Variants in ATOSA observed in about 807,000 individuals in gnomAD.
ATOSA encodes atos homolog protein A.
chr15:52,587,718 G>A, the ATOSA span: 1 of 152,456 alleles, frequency 6.6e-6, no homozygotes, highest in Non-Finnish European at 1.5e-5. Context: ...AAAGCAATTT[G>A]GAAGTCTGTA....
At chr15:52,667,192 TTTCTC>T in the ATOSA span, among the ~76,000 whole-genome samples, 1 of 152,348 alleles carries the variant, frequency 6.6e-6, no homozygotes, top group South Asian at 2.1e-4. Flanking sequence ...AATATTCACT[TTTCTC>T]TTTAATCCAT....
At chr15:52,584,637 C>G in the ATOSA span, 1 of 945,256 alleles carries the variant, frequency 1.1e-6, no homozygotes, top group South Asian at 1.8e-5. Context: ...CCAAGCTAAG[C>G]AAAGTCCCAA....
At chr15:52,593,855 A>G in the ATOSA span, 5 of 1,004,884 alleles carry the variant, frequency 5.0e-6, no homozygotes, top group Non-Finnish European at 7.1e-6. Flanking sequence ...GAAATATATT[A>G]CTATGCTTTC....
chr15:52,615,156 C>T, the ATOSA span, among the ~76,000 whole-genome samples: 3 of 152,148 alleles, frequency 2.0e-5, no homozygotes, highest in African/African-American at 7.2e-5. Context: ...TATCCAGCAG[C>T]GGCACAAAGC....
the ATOSA span, among the ~76,000 whole-genome samples, chr15:52,612,024 G>A: frequency 6.6e-5 from 10 of 151,962 alleles, no homozygotes; most frequent in Non-Finnish European, 8.8e-5. Context: ...TTGCTCTGTC[G>A]CCCAGGCTGG....
the ATOSA span, among the ~76,000 whole-genome samples, chr15:52,698,639 C>G: frequency 1.2e-4 from 18 of 152,166 alleles, no homozygotes; most frequent in Admixed American, 1.2e-3. Flanking sequence ...GTATGTGACT[C>G]ATTTATACAA....
At chr15:52,612,858 A>G in the ATOSA span, among the ~76,000 whole-genome samples, 49 of 152,260 alleles carry the variant, frequency 3.2e-4, no homozygotes, top group Admixed American at 3.3e-4. Context: ...TGAGAAACTA[A>G]TAAGTGGGAG....
chr15:52,586,901 C>A, the ATOSA span: 1 of 512,318 alleles, frequency 2.0e-6, no homozygotes, highest in East Asian at 4.4e-5. Context: ...TTGAAGAGTC[C>A]TATTGAAGTT....
the ATOSA span, among the ~76,000 whole-genome samples, chr15:52,655,562 C>T: frequency 6.6e-6 from 1 of 152,112 alleles, no homozygotes; most frequent in East Asian, 1.9e-4. Context: ...GCTTTTTGAT[C>T]TTAAGCACTT....
At chr15:52,634,369 A>C in the ATOSA span, among the ~76,000 whole-genome samples, 2 of 152,020 alleles carry the variant, frequency 1.3e-5, no homozygotes, top group Non-Finnish European at 2.9e-5. Flanking sequence ...GCACCACTGC[A>C]CTCCAGCCTG....
the ATOSA span, among the ~76,000 whole-genome samples, chr15:52,646,235 C>T: frequency 6.6e-6 from 1 of 152,098 alleles, no homozygotes; most frequent in African/African-American, 2.4e-5. Flanking sequence ...GGACGGAAGA[C>T]AGGTCTTTTT....
chr15:52,701,129 T>C, the ATOSA span, among the ~76,000 whole-genome samples: 1 of 152,218 alleles, frequency 6.6e-6, no homozygotes, highest in East Asian at 1.9e-4. Context: ...AACAAGGTTG[T>C]ACTAAAACAT....
chr15:52,626,926 T>G, the ATOSA span, among the ~76,000 whole-genome samples: 1 of 152,194 alleles, frequency 6.6e-6, no homozygotes, highest in Admixed American at 6.5e-5. Context: ...TTGATTCATG[T>G]CCTTACTGTA....
chr15:52,657,991 A>G, the ATOSA span: 26 of 152,224 alleles, frequency 1.7e-4, no homozygotes, highest in African/African-American at 5.3e-4. Flanking sequence ...TGTGGATTGC[A>G]GTCAAAAAAA....
chr15:52,696,679 CAT>C, the ATOSA span, among the ~76,000 whole-genome samples: 40 of 152,250 alleles, frequency 2.6e-4, no homozygotes, highest in African/African-American at 4.1e-4. Flanking sequence ...AAAGTTGACA[CAT>C]GTCTCAAGGT....
chr15:52,596,928 TA>T, the ATOSA span, among the ~76,000 whole-genome samples: 1 of 152,164 alleles, frequency 6.6e-6, no homozygotes, highest in Non-Finnish European at 1.5e-5. Flanking sequence ...CATATATGCT[TA>T]TTTGGCAAGT....
chr15:52,593,200 C>T, the ATOSA span, among the ~76,000 whole-genome samples: 16 of 151,452 alleles, frequency 1.1e-4, no homozygotes, highest in East Asian at 7.7e-4. Context: ...CAAACCAAAC[C>T]GAAAAGGGAG....
chr15:52,681,051 C>T, the ATOSA span, among the ~76,000 whole-genome samples: 6 of 152,262 alleles, frequency 3.9e-5, no homozygotes, highest in Non-Finnish European at 7.4e-5. Flanking sequence ...GTAAAAAGAC[C>T]AGGAAATGTT....
the ATOSA span, among the ~76,000 whole-genome samples, chr15:52,651,209 T>A: frequency 6.6e-6 from 1 of 152,200 alleles, no homozygotes; most frequent in Admixed American, 6.5e-5. Flanking sequence ...TCCCTTATCC[T>A]TCAGTTTTCT....
Sources: allele counts gnomAD v4.1 joint callset (sites outside exome capture counted in the v4.1 genomes callset), GRCh38; gene constraint gnomAD v4.1.1; transcripts MANE v1.5; gene names NCBI Gene and HGNC (gene_info 2026-07-23, HGNC 2026-07-21).